CLSTN2: variants seen among roughly 807,000 people sequenced by gnomAD.
CLSTN2 encodes calsyntenin 2, also known as calsyntenin-2.
CLSTN2 carries 48 observed loss-of-function variants against 101.2 expected under a neutral mutation model. The ratio of observed to expected loss-of-function variants is 0.47; its 90% CI spans 0.38 to 0.60. The LOEUF (loss-of-function observed/expected upper bound fraction) is 0.60, where lower values mean the gene tolerates loss of function less well. CLSTN2 is among the 20% of genes least tolerant of loss of function. CLSTN2 has a pLI of 0.00. For missense variants in CLSTN2, 1,160 were observed against 1,238.2 expected (o/e 0.94, Z 0.95); for synonymous variants, 481 against 463.6 (o/e 1.04, Z -0.48).
intron 5 of CLSTN2, among the ~76,000 whole-genome samples, chr3:140,440,309 A>T (rs1161020246): frequency 6.6e-6 from 1 of 152,208 alleles, no homozygotes; most frequent in Non-Finnish European, 1.5e-5. Flanking sequence ...TTTGTAGTTA[A>T]TTATCTCTTC....
chr3:140,370,825 T>C (rs73228935), intron 2 of CLSTN2, among the ~76,000 whole-genome samples: 7,311 of 152,146 alleles, frequency 0.048, 207 homozygotes, highest in Middle Eastern at 0.068. Flanking sequence ...GATGCATAAG[T>C]ACACTTTATT....
chr3:140,330,945 A>G (rs2107929244), intron 2 of CLSTN2, among the ~76,000 whole-genome samples: 1 of 152,312 alleles, frequency 6.6e-6, no homozygotes, highest in East Asian at 1.9e-4. Flanking sequence ...TCAATAGGCT[A>G]TATCTATATA....
chr3:140,175,928 GT>G, intron 1 of CLSTN2, 22 bp from the exon 2 acceptor site: 1 of 1,595,274 alleles, frequency 6.3e-7, no homozygotes, highest in East Asian at 2.2e-5. Flanking sequence ...GATCCTTTTT[GT>G]TTTTTCCCCC....
chr3:140,352,355 C>G (rs2087617723), intron 2 of CLSTN2, among the ~76,000 whole-genome samples: 1 of 152,158 alleles, frequency 6.6e-6, no homozygotes, highest in African/African-American at 2.4e-5. Context: ...CTTCCCATTA[C>G]AATACAGTCT....
chr3:140,002,194 C>T (rs2006856914), intron 1 of CLSTN2, among the ~76,000 whole-genome samples: 1 of 152,136 alleles, frequency 6.6e-6, no homozygotes, highest in Non-Finnish European at 1.5e-5. Context: ...CAACAGTGTA[C>T]AAGCATTTTC....
At chr3:140,250,045 T>C (rs2086548867) in intron 2 of CLSTN2, among the ~76,000 whole-genome samples, 1 of 152,224 alleles carries the variant, frequency 6.6e-6, no homozygotes, top group Non-Finnish European at 1.5e-5. Context: ...ATATTCCTTT[T>C]CAAGAGATAC....
intron 1 of CLSTN2, among the ~76,000 whole-genome samples, chr3:140,137,355 C>CCAGCTTTCCAACCT (rs71149068): frequency 0.83 from 126,361 of 152,040 alleles, 52,607 homozygotes; most frequent in East Asian, 0.92. Flanking sequence ...CTTGCCAACC[C>CCAGCTTTCCAACCT]GCATCATTCT....
rs74938120 is a variant in CLSTN2 at position 140,563,876 on chromosome 3, T to C, written c.2483-85T>C. On this transcript the variant is annotated intron_variant, in intron 15 of 16. Coordinates refer to ENST00000458420, the MANE Select transcript of CLSTN2 (RefSeq NM_022131.3). ...AAGTGGTAGGGCAGACTTTATCCTA[T>C]GCACGGATGTTTCATTCATGCTCCC... The C allele has an allele frequency of 1.1e-5, 15 of 1,365,268 alleles. No individual in the cohort carries two copies. In the Admixed American group the frequency reaches 2.2e-4, roughly 20 times the overall value. 84.6% of individuals were successfully genotyped at this position (1,365,268 alleles called of 1,614,324 possible).
At chr3:140,436,403 A>G (rs2088687999) in intron 5 of CLSTN2, among the ~76,000 whole-genome samples, 1 of 152,194 alleles carries the variant, frequency 6.6e-6, no homozygotes, top group African/African-American at 2.4e-5. Context: ...TAAGTGTGTT[A>G]CTGTTGGTTT....
At chr3:140,517,966 G>A (rs895178990) in intron 8 of CLSTN2, among the ~76,000 whole-genome samples, 2 of 152,110 alleles carry the variant, frequency 1.3e-5, no homozygotes, top group African/African-American at 2.4e-5. Context: ...AGGTGTGTCT[G>A]AGCGCAGACT....
chr3:140,182,607 C>A (rs2010426885), intron 2 of CLSTN2, among the ~76,000 whole-genome samples: 1 of 152,164 alleles, frequency 6.6e-6, no homozygotes, highest in Non-Finnish European at 1.5e-5. Flanking sequence ...GGCAGGGTGT[C>A]CCCTGGTATC....
At chr3:140,020,199 C>T (rs2007278949) in intron 1 of CLSTN2, among the ~76,000 whole-genome samples, 1 of 152,170 alleles carries the variant, frequency 6.6e-6, no homozygotes, top group Non-Finnish European at 1.5e-5. Context: ...AAAGAGCAGG[C>T]TGGTAATGCT....
chr3:140,377,022 C>CACAGAGAGAGAGAGAGAGAGAG lies in CLSTN2; in HGVS notation c.233-26606_233-26605insCAGAGAGAGAGAGAGAGAGAGA, dbSNP rs148236356. Among the ~76,000 whole-genome samples, 589 of 148,804 alleles carry CACAGAGAGAGAGAGAGAGAGAG rather than the reference C, an allele frequency of 4.0e-3. 11 individuals are homozygous for CACAGAGAGAGAGAGAGAGAGAG. The highest frequency in any genetic ancestry group is 0.031 in the Admixed American group (470 of 14,960). On this transcript the variant is annotated intron_variant, in intron 2 of 16. Transcript: ENST00000458420. The stretch of plus-strand genomic sequence containing the variant: ...TTAGTGTGTTACACACACACATACA[C>CACAGAGAGAGAGAGAGAGAGAG]AGAGAGAGAGAGAGAGAGGATGTGT...
intron 2 of CLSTN2, among the ~76,000 whole-genome samples, chr3:140,352,644 C>T (rs559200569): frequency 6.6e-6 from 1 of 152,306 alleles, no homozygotes; most frequent in East Asian, 1.9e-4. Flanking sequence ...GCCTCTAAGA[C>T]CCTGTAAGAA....
At chr3:140,025,297 T>A (rs934063709) in intron 1 of CLSTN2, among the ~76,000 whole-genome samples, 1 of 152,170 alleles carries the variant, frequency 6.6e-6, no homozygotes, top group Non-Finnish European at 1.5e-5. Context: ...GCCTTAAGAA[T>A]ACCTACAGAA....
chr3:140,171,841 A>T (rs10439961), intron 1 of CLSTN2, among the ~76,000 whole-genome samples: 19,871 of 91,674 alleles, frequency 0.22, 1,986 homozygotes, highest in Non-Finnish European at 0.27. Context: ...AACAATATAT[A>T]ATATAATATA....
intron 2 of CLSTN2, among the ~76,000 whole-genome samples, chr3:140,323,472 C>T (rs965911085): frequency 2.0e-5 from 3 of 152,220 alleles, no homozygotes; most frequent in Admixed American, 6.5e-5. Context: ...CTACCCACTT[C>T]CTCTTCAGCC....
At chr3:140,415,501 A>AAC (rs1553741570) in intron 4 of CLSTN2, among the ~76,000 whole-genome samples, 12 of 151,234 alleles carry the variant, frequency 7.9e-5, no homozygotes, top group African/African-American at 2.9e-4. Context: ...AAAAAAAAAA[A>AAC]AAAAAAAAAC....
chr3:140,440,428 G>A (rs77620584), intron 5 of CLSTN2, among the ~76,000 whole-genome samples: 3,907 of 152,300 alleles, frequency 0.026, 191 homozygotes, highest in African/African-American at 0.087. Flanking sequence ...TCGTAATTCA[G>A]TTCAGAGAAT....
Sources: gnomAD v4.1 joint callset for allele counts (sites outside exome capture counted in the v4.1 genomes callset) on GRCh38, gnomAD v4.1.1 for gene constraint, MANE v1.5 for transcripts, NCBI Gene and HGNC (gene_info 2026-07-23, HGNC 2026-07-21) for gene names.